Variants in MIR2052HG observed in about 807,000 individuals in gnomAD.
The protein encoded by MIR2052HG is MIR2052 host gene.
intron 2 of MIR2052HG, among the ~76,000 whole-genome samples, chr8:74,613,971 G>A (rs924158402): frequency 1.1e-4 from 17 of 152,158 alleles, no homozygotes; most frequent in African/African-American, 4.1e-4. Context: ...TATATATTTA[G>A]TTTTCTGAAT....
intron 2 of MIR2052HG, among the ~76,000 whole-genome samples, chr8:74,663,709 A>G (rs1046056255): frequency 2.6e-5 from 4 of 152,218 alleles, no homozygotes; most frequent in African/African-American, 9.6e-5. Flanking sequence ...AGTGAACTTG[A>G]TCTTATCTAA....
rs1025542411 is a variant in MIR2052HG at position 74,693,578 on chromosome 8, G to A, written n.217-8801G>A. Among the ~76,000 whole-genome samples the A allele has an allele frequency of 3.0e-5, 4 of 132,092 alleles. No individual in the cohort carries two copies. The Admixed American group carries it at 3.3e-4, about 11-fold the overall frequency. The allele number at this position is 132,092 out of a possible 152,430, so 86.7% of individuals were successfully genotyped here. A position where few individuals can be genotyped will look rare whatever the true frequency, so the allele number is the denominator to read the frequency against. On this transcript the variant is annotated intron_variant and non_coding_transcript_variant, in intron 2 of 6. Transcript: ENST00000523442. The stretch of plus-strand genomic sequence containing the variant: ...AGCTTCTCAGCCCTGCTCATCTGCT[G>A]CCTGGAAATAAAATCAGTGCTATTG...
At chr8:74,695,047 A>C (rs1276942619) in intron 2 of MIR2052HG, among the ~76,000 whole-genome samples, 2 of 152,106 alleles carry the variant, frequency 1.3e-5, no homozygotes, top group African/African-American at 2.4e-5. Flanking sequence ...AGTCAAGATG[A>C]AGGAAAAAAT....
chr8:74,754,255 A>G (rs1382161013), intron 5 of MIR2052HG, among the ~76,000 whole-genome samples: 1 of 152,234 alleles, frequency 6.6e-6, no homozygotes, highest in African/African-American at 2.4e-5. Flanking sequence ...TGTAATACTT[A>G]TTTCCTCTAT....
intron 2 of MIR2052HG, among the ~76,000 whole-genome samples, chr8:74,676,585 T>A (rs952920527): frequency 1.3e-5 from 2 of 151,540 alleles, no homozygotes; most frequent in African/African-American, 2.4e-5. Flanking sequence ...AAAAAAAATG[T>A]GGCAAGGTGT....
chr8:74,736,861 C>T (rs2128755365), intron 4 of MIR2052HG, among the ~76,000 whole-genome samples: 1 of 152,168 alleles, frequency 6.6e-6, no homozygotes, highest in East Asian at 1.9e-4. Flanking sequence ...CCTCCGGGAC[C>T]ATTTCTGAGC....
At chr8:74,648,988 C>G (rs911858802) in intron 2 of MIR2052HG, among the ~76,000 whole-genome samples, 3 of 151,990 alleles carry the variant, frequency 2.0e-5, no homozygotes, top group African/African-American at 7.2e-5. Flanking sequence ...GTGGGGACAT[C>G]TGGATCTCTG....
intron 1 of MIR2052HG, chr8:74,604,221 A>G: frequency 1.1e-6 from 1 of 899,456 alleles, no homozygotes; most frequent in Non-Finnish European, 1.9e-6. Flanking sequence ...TATTTAATCC[A>G]CCTTCAATCA....
chr8:74,661,450 C>T (rs904824658), intron 2 of MIR2052HG, among the ~76,000 whole-genome samples: 2 of 152,142 alleles, frequency 1.3e-5, no homozygotes, highest in Non-Finnish European at 2.9e-5. Context: ...ATCCGCCCAC[C>T]TCAGTCTCCC....
chr8:74,629,617 G>A (rs1163682285), intron 2 of MIR2052HG, among the ~76,000 whole-genome samples: 2 of 152,140 alleles, frequency 1.3e-5, no homozygotes, highest in Non-Finnish European at 2.9e-5. Context: ...TGTCAGCTGA[G>A]GGCAATTCTT....
intron 2 of MIR2052HG, among the ~76,000 whole-genome samples, chr8:74,683,176 T>C (rs1292405434): frequency 6.6e-6 from 1 of 152,148 alleles, no homozygotes; most frequent in East Asian, 1.9e-4. Context: ...ACAATATGTA[T>C]GTATGTTATA....
Position 74,731,133 on chromosome 8 carries a change from G to C in MIR2052HG, n.372-21308G>C, listed in dbSNP as rs115479107. On this transcript the variant is annotated intron_variant and non_coding_transcript_variant, in intron 4 of 6. Coordinates refer to ENST00000523442, the Ensembl canonical transcript of MIR2052HG. ...ATTGACTACTCCAGAACTGGAATGA[G>C]AGACACATGAATGGAGTTGTCATGA... Among the ~76,000 whole-genome samples the C allele has an allele frequency of 8.6e-3, 1,305 of 152,290 alleles. 17 individuals are homozygous for C. The highest frequency in any genetic ancestry group is 0.029 in the African/African-American group (1,222 of 41,560).
intron 2 of MIR2052HG, among the ~76,000 whole-genome samples, chr8:74,654,350 C>T (rs2128736382): frequency 6.6e-6 from 1 of 152,130 alleles, no homozygotes; most frequent in African/African-American, 2.4e-5. Flanking sequence ...TGCACTCAGA[C>T]AAAAGATACA....
chr8:74,639,813 A>G (rs981930148), intron 2 of MIR2052HG, among the ~76,000 whole-genome samples: 1 of 149,240 alleles, frequency 6.7e-6, no homozygotes, highest in African/African-American at 2.5e-5. Flanking sequence ...CATTAAACAT[A>G]CTTTTTTTTT....
At chr8:74,757,616 G>A (rs1180879450) in intron 5 of MIR2052HG, 1 of 152,134 alleles carries the variant, frequency 6.6e-6, no homozygotes, top group Non-Finnish European at 1.5e-5. Flanking sequence ...TAAATCATTT[G>A]CCAAAGTCAT....
At chr8:74,697,909 A>T (rs1220456073) in intron 2 of MIR2052HG, among the ~76,000 whole-genome samples, 2 of 152,222 alleles carry the variant, frequency 1.3e-5, no homozygotes, top group Non-Finnish European at 2.9e-5. Flanking sequence ...TAGAATCAAT[A>T]TTGTGAAAAT....
At chr8:74,663,058 A>T (rs952191171) in intron 2 of MIR2052HG, among the ~76,000 whole-genome samples, 1 of 152,200 alleles carries the variant, frequency 6.6e-6, no homozygotes. Context: ...ATTAATAAAT[A>T]AACTATAAAA....
At chr8:74,674,602 A>G (rs971930710) in intron 2 of MIR2052HG, among the ~76,000 whole-genome samples, 1 of 151,932 alleles carries the variant, frequency 6.6e-6, no homozygotes, top group African/African-American at 2.4e-5. Context: ...ACTCTTCCCT[A>G]CTTTCTGTGG....
At chr8:74,628,423 G>A (rs1315990264) in intron 2 of MIR2052HG, among the ~76,000 whole-genome samples, 1 of 152,166 alleles carries the variant, frequency 6.6e-6, no homozygotes. Flanking sequence ...TCAGATGAAC[G>A]TTGGAGATGA....
Sources: gnomAD v4.1 joint callset for allele counts (sites outside exome capture counted in the v4.1 genomes callset) on GRCh38, gnomAD v4.1.1 for gene constraint, MANE v1.5 for transcripts, NCBI Gene and HGNC (gene_info 2026-07-23, HGNC 2026-07-21) for gene names.